Variants in CSMD1 observed in about 807,000 individuals in gnomAD.
CSMD1 encodes CUB and sushi domain-containing protein 1.
CSMD1 carries 213 observed loss-of-function variants against 417.5 expected under a neutral mutation model. The ratio of observed to expected loss-of-function variants is 0.51; its 90% CI spans 0.46 to 0.57. The LOEUF is 0.57. Ranked by LOEUF, CSMD1 falls within the 20% of genes least tolerant of loss-of-function variation. The pLI is 0.00. For missense variants in CSMD1, 6,923 were observed against 4,529.7 expected, an observed-to-expected ratio of 1.53 and a Z score of -15.17; for synonymous variants, 2,862 against 1,736.8, an observed-to-expected ratio of 1.65 and a Z score of -16.11.
At chr8:4,429,069 A>AT (rs1298604465) in intron 2 of CSMD1, among the ~76,000 whole-genome samples, 5 of 151,930 alleles carry the variant, frequency 3.3e-5, no homozygotes, top group African/African-American at 1.2e-4. Context: ...GTACAATACA[A>AT]TGTCTCAGTA....
At chr8:4,926,570 G>T (rs1394653710) in intron 1 of CSMD1, among the ~76,000 whole-genome samples, 1 of 152,006 alleles carries the variant, frequency 6.6e-6, no homozygotes, top group East Asian at 1.9e-4. Flanking sequence ...TATAGCCTTG[G>T]GGAAAAACCA....
At chr8:3,755,990 G>A (rs751708533) in intron 5 of CSMD1, among the ~76,000 whole-genome samples, 9 of 151,990 alleles carry the variant, frequency 5.9e-5, no homozygotes, top group Non-Finnish European at 1.3e-4. Context: ...TACGGAGAAT[G>A]TCTAAAAAAC....
rs1819636061 is a variant in CSMD1 at position 3,157,911 on chromosome 8, G to C, written c.5900C>G (p.Ser1967Cys). 6.4e-7 allele frequency: 1 copy of C among 1,554,376 alleles called. No individual in the cohort carries two copies. The highest frequency in any genetic ancestry group is 8.7e-7 in the Non-Finnish European group (1 of 1,148,388). ...PGTVRRWNYP[S>C]PLCIATCGGT... ...TGCATCCTTACCAATGCACAGGGGAGACGGATAGTTCCAACGGCGAACGGT... is the reference window on the plus strand; with the variant it reads ...TGCATCCTTACCAATGCACAGGGGACACGGATAGTTCCAACGGCGAACGGT... Residue 1967 changes from serine to cysteine, a missense_variant, in exon 39 of 70, where the codon TCT (serine) becomes TGT (cysteine). Physicochemically the swap from Ser to Cys is moderately radical, Grantham distance 112. Transcript: ENST00000635120.
At chr8:4,432,144 T>C (rs1797906849) in intron 2 of CSMD1, among the ~76,000 whole-genome samples, 1 of 152,198 alleles carries the variant, frequency 6.6e-6, no homozygotes, top group Non-Finnish European at 1.5e-5. Context: ...TGCTAAAGCA[T>C]GCATGGATTA....
rs11371258 is a variant in CSMD1, at chr8:3,625,071, G to GTT, written c.1010-8276_1010-8275dup. On this transcript the variant is annotated intron_variant, in intron 7 of 69. Transcript: ENST00000635120. Reference sequence around the variant, plus strand: ...ACGAGACATTTCTACATGCATAACAGTTTTTTTTTTATTTTTTGCTGTTTT... The same window carrying GTT: ...ACGAGACATTTCTACATGCATAACAGTTTTTTTTTTTTATTTTTTGCTGTTTT... Among the ~76,000 whole-genome samples the GTT allele has an allele frequency of 1.7e-3, 262 of 150,380 alleles. 1 individual carries two copies. Among genetic ancestry groups the GTT allele is most frequent in the East Asian group, 0.014 (74 of 5,108 alleles).
chr8:4,492,239 G>A (rs989003016), intron 2 of CSMD1, among the ~76,000 whole-genome samples: 2 of 152,128 alleles, frequency 1.3e-5, no homozygotes, highest in African/African-American at 2.4e-5. Context: ...ACAGGCATAT[G>A]TGAGCATGCT....
intron 7 of CSMD1, among the ~76,000 whole-genome samples, chr8:3,678,088 C>T (rs1799472187): frequency 6.6e-6 from 1 of 152,232 alleles, no homozygotes; most frequent in Non-Finnish European, 1.5e-5. Flanking sequence ...CAGCTCCAGT[C>T]TACAGCTCCC....
At chr8:4,710,139 AG>A (rs1399219576) in intron 1 of CSMD1, among the ~76,000 whole-genome samples, 2 of 152,042 alleles carry the variant, frequency 1.3e-5, no homozygotes, top group African/African-American at 4.8e-5. Flanking sequence ...GGTTATTCTA[AG>A]GGGGGATTAA....
intron 7 of CSMD1, among the ~76,000 whole-genome samples, chr8:3,637,318 C>T (rs1253531370): frequency 1.3e-5 from 2 of 152,070 alleles, no homozygotes; most frequent in Non-Finnish European, 2.9e-5. Flanking sequence ...CAATCTATGT[C>T]TAAGATCCTT....
intron 5 of CSMD1, among the ~76,000 whole-genome samples, chr8:3,904,479 G>C (rs986338479): frequency 3.9e-5 from 6 of 152,168 alleles, no homozygotes; most frequent in Admixed American, 2.6e-4. Context: ...ATTTGGCCAT[G>C]GTTGTTCTAC....
At chr8:4,123,254 T>C (rs1035158683) in intron 3 of CSMD1, among the ~76,000 whole-genome samples, 4 of 152,222 alleles carry the variant, frequency 2.6e-5, no homozygotes, top group African/African-American at 7.2e-5. Context: ...TAGTAAATGA[T>C]ACAGGCTTTG....
At chr8:4,274,126 T>C (rs891488790) in intron 3 of CSMD1, among the ~76,000 whole-genome samples, 6 of 152,198 alleles carry the variant, frequency 3.9e-5, no homozygotes, top group Admixed American at 1.3e-4. Context: ...TCCTCCATTA[T>C]CTTAGAAGTG....
At chr8:4,230,617 T>C (rs1409613321) in intron 3 of CSMD1, among the ~76,000 whole-genome samples, 3 of 152,180 alleles carry the variant, frequency 2.0e-5, no homozygotes, top group Non-Finnish European at 4.4e-5. Context: ...CAAGATGTTT[T>C]TAAACCCCCA....
At position 4,151,145 on chromosome 8, in the gene CSMD1, G is replaced by C. The variant is rs764675057; in HGVS notation, c.416-119046C>G. On this transcript the variant is annotated intron_variant, in intron 3 of 69. Coordinates refer to ENST00000635120, the MANE Select transcript of CSMD1 (RefSeq NM_033225.6). ...GGATCCCTGTTCACCAAATACATTA[G>C]AAGAGCCAATCTTTGAAAGCAAAGG... Among the ~76,000 whole-genome samples the C allele has an allele frequency of 1.3e-4, 20 of 152,284 alleles. No individual in the cohort carries two copies. The East Asian group carries it at 1.7e-3, about 13-fold the overall frequency.
At chr8:4,230,611 A>T (rs1333689145) in intron 3 of CSMD1, among the ~76,000 whole-genome samples, 1 of 152,184 alleles carries the variant, frequency 6.6e-6, no homozygotes, top group East Asian at 1.9e-4. Flanking sequence ...ATGTATCAAG[A>T]TGTTTTTAAA....
intron 2 of CSMD1, among the ~76,000 whole-genome samples, chr8:4,583,976 G>A (rs1367749297): frequency 6.6e-6 from 1 of 151,938 alleles, no homozygotes; most frequent in Non-Finnish European, 1.5e-5. Flanking sequence ...AAGCCAACGA[G>A]ACCACAAGCC....
chr8:3,650,591 C>G (rs1797804480), intron 7 of CSMD1, among the ~76,000 whole-genome samples: 1 of 152,144 alleles, frequency 6.6e-6, no homozygotes, highest in South Asian at 2.1e-4. Flanking sequence ...ATTCTGAGTA[C>G]ATATGATGCT....
intron 1 of CSMD1, among the ~76,000 whole-genome samples, chr8:4,714,708 G>C (rs1808532792): frequency 1.3e-5 from 2 of 152,108 alleles, no homozygotes; most frequent in East Asian, 1.9e-4. Flanking sequence ...ATTTACTCGA[G>C]AATACAAATT....
chr8:4,488,831 G>A (rs917269742), intron 2 of CSMD1, among the ~76,000 whole-genome samples: 8 of 152,162 alleles, frequency 5.3e-5, no homozygotes, highest in Non-Finnish European at 1.0e-4. Flanking sequence ...GAGATCGCCA[G>A]TTCCTTCCTG....
Sources: allele counts gnomAD v4.1 joint callset (sites outside exome capture counted in the v4.1 genomes callset), GRCh38; gene constraint gnomAD v4.1.1; transcripts MANE v1.5; gene names NCBI Gene and HGNC (gene_info 2026-07-23, HGNC 2026-07-21).